NAV2: variants seen among roughly 807,000 people sequenced by gnomAD.
The protein encoded by NAV2 is helicase, APC down-regulated 1.
In NAV2, 54 loss-of-function variants were observed where a neutral mutation model predicts 223.2. That is an observed-to-expected ratio of 0.24 (90% CI 0.19 to 0.30). The LOEUF is 0.30. Among genes scored for constraint, NAV2 ranks in the 10% least tolerant of loss-of-function variants. The pLI, the probability that NAV2 is intolerant of heterozygous loss-of-function variation, is 1.00. For synonymous variants in NAV2, 1,279 were observed against 1,239.3 expected (o/e 1.03, Z -0.67); for missense variants, 2,806 against 3,147.5 (o/e 0.89, Z 2.60).
At chr11:19,846,693 G>A (rs1260472136) in intron 3 of NAV2, among the ~76,000 whole-genome samples, 3 of 152,176 alleles carry the variant, frequency 2.0e-5, no homozygotes, top group Non-Finnish European at 4.4e-5. Context: ...CACACCTTTT[G>A]GGTGAGAAAC....
At chr11:19,765,146 C>A (rs1296675802) in intron 1 of NAV2, among the ~76,000 whole-genome samples, 1 of 152,168 alleles carries the variant, frequency 6.6e-6, no homozygotes, top group Non-Finnish European at 1.5e-5. Context: ...TTGCTTAGGA[C>A]CCTCCAGTGA....
At chr11:19,480,065 G>A (rs973122963) in intron 1 of NAV2, among the ~76,000 whole-genome samples, 18 of 152,176 alleles carry the variant, frequency 1.2e-4, no homozygotes, top group African/African-American at 4.3e-4. Flanking sequence ...AGTTACAAGA[G>A]ACTGTGTAGC....
chr11:19,762,718 A>G (rs999637391), intron 1 of NAV2, among the ~76,000 whole-genome samples: 3 of 150,640 alleles, frequency 2.0e-5, no homozygotes, highest in African/African-American at 4.9e-5. Context: ...GGTTCAAGCA[A>G]TTCTCCTGCC....
In NAV2 at chr11:19,516,917, G is replaced by C. The variant is rs142542632; in HGVS notation, c.75+165890G>C. ...ATGAAGTTATTAACAGAATTAAAAAGATGAAATTTCACCTGGGCATGGTGG... is the reference window on the plus strand; with the variant it reads ...ATGAAGTTATTAACAGAATTAAAAACATGAAATTTCACCTGGGCATGGTGG... On this transcript the variant is annotated intron_variant, in intron 1 of 37. Coordinates refer to the NAV2 transcript ENST00000360655. 3.5e-3 allele frequency among the ~76,000 whole-genome samples: 537 copies of C among 152,170 alleles called. 3 individuals are homozygous for C. The highest frequency in any genetic ancestry group is 0.018 in the South Asian group (85 of 4,820).
chr11:19,626,268 C>T lies in NAV2; in HGVS notation c.76-206216C>T, dbSNP rs114690407. Among the ~76,000 whole-genome samples, 1,359 of 152,230 alleles carry T rather than the reference C, an allele frequency of 8.9e-3. 21 individuals carry two copies. Among genetic ancestry groups the T allele is most frequent in the African/African-American group, 0.03 (1,265 of 41,532 alleles). The stretch of plus-strand genomic sequence containing the variant: ...TTTACATATCCAGTTTTCCCAACAC[C>T]ATTTATTGAAGAGGGTGTCCTTTCC... On this transcript the variant is annotated intron_variant, in intron 1 of 37. Transcript: ENST00000360655.
At chr11:19,428,535 C>T (rs922249873) in intron 1 of NAV2, among the ~76,000 whole-genome samples, 1 of 152,212 alleles carries the variant, frequency 6.6e-6, no homozygotes, top group Non-Finnish European at 1.5e-5. Context: ...ATTTGGATTA[C>T]CCGAGTTAGG....
At chr11:19,378,620 G>T (rs1431478547) in intron 1 of NAV2, among the ~76,000 whole-genome samples, 1 of 151,314 alleles carries the variant, frequency 6.6e-6, no homozygotes, top group Non-Finnish European at 1.5e-5. Context: ...CTGGGTGGGG[G>T]TGGGGTAGGG....
Position 19,829,896 on chromosome 11 carries a change from T to G in NAV2, c.268-2588T>G, listed in dbSNP as rs192221580. Among the ~76,000 whole-genome samples the G allele has an allele frequency of 3.3e-5, 5 of 152,278 alleles. No homozygotes were observed. In the East Asian group the frequency reaches 9.6e-4, roughly 29 times the overall value. On this transcript the variant is annotated intron_variant, in intron 1 of 37. Transcript: ENST00000349880. ...AGTCACTTATCCAAAGGCATTCAGA[T>G]AGCAAGGGAAAGATCTAGGTTTGGG...
intron 1 of NAV2, among the ~76,000 whole-genome samples, chr11:19,487,156 C>T (rs1188566423): frequency 6.6e-6 from 1 of 152,150 alleles, no homozygotes; most frequent in Non-Finnish European, 1.5e-5. Flanking sequence ...GCTCTCTGAG[C>T]CTGGGTCTGA....
intron 1 of NAV2, among the ~76,000 whole-genome samples, chr11:19,632,193 C>T (rs1175805540): frequency 6.6e-6 from 1 of 152,194 alleles, no homozygotes; most frequent in African/African-American, 2.4e-5. Context: ...CCCCCATTAC[C>T]ATCTATTTAT....
chr11:19,879,812 C>T, intron 4 of NAV2, 57 bp from the exon 5 acceptor site: 1 of 1,604,874 alleles, frequency 6.2e-7, no homozygotes, highest in Non-Finnish European at 8.5e-7. Context: ...CTGAAACAGC[C>T]CATTGAACAG....
chr11:19,584,152 T>C (rs1221901367), intron 1 of NAV2, among the ~76,000 whole-genome samples: 1 of 152,248 alleles, frequency 6.6e-6, no homozygotes, highest in Non-Finnish European at 1.5e-5. Context: ...CCAGATTTTC[T>C]AGTTTATTTG....
chr11:19,401,713 A>G (rs1471802480), intron 1 of NAV2, among the ~76,000 whole-genome samples: 1 of 152,252 alleles, frequency 6.6e-6, no homozygotes, highest in African/African-American at 2.4e-5. Flanking sequence ...GAGCGTGAGC[A>G]TGTGGCATAT....
At position 19,859,137 on chromosome 11, in the gene NAV2, C is replaced by CTTTTTTTTTTTTTTTTTTTT. The variant is rs569446282; in HGVS notation, c.439-9785_439-9766dup. 2.1e-3 allele frequency among the ~76,000 whole-genome samples: 220 copies of CTTTTTTTTTTTTTTTTTTTT among 107,030 alleles called. 6 individuals carry two copies. Among genetic ancestry groups the CTTTTTTTTTTTTTTTTTTTT allele is most frequent in the South Asian group, 3.9e-3 (9 of 2,316 alleles). The allele number at this position is 107,030 out of a possible 152,430, so 70.2% of individuals were successfully genotyped here. A position where few individuals can be genotyped will look rare whatever the true frequency, so the allele number is the denominator to read the frequency against. Reference sequence around the variant, plus strand: ...ATGGAGGAGTCCAAAATCATATTCTCTTTTTTTTTTTTTTTTTTTTTTATT... The same window carrying CTTTTTTTTTTTTTTTTTTTT: ...ATGGAGGAGTCCAAAATCATATTCTCTTTTTTTTTTTTTTTTTTTTTTTTTTTTTTTTTTTTTTTTTTATT... On this transcript the variant is annotated intron_variant, in intron 3 of 37. Coordinates refer to ENST00000349880, the MANE Select transcript of NAV2 (RefSeq NM_145117.5).
intron 1 of NAV2, among the ~76,000 whole-genome samples, chr11:19,767,839 A>G (rs2055352838): frequency 6.6e-6 from 1 of 152,242 alleles, no homozygotes; most frequent in Non-Finnish European, 1.5e-5. Flanking sequence ...CCTGCAGTGC[A>G]GATCTCCAGG....
chr11:19,612,756 C>T lies in NAV2; in HGVS notation c.76-219728C>T, dbSNP rs964243352. 5.9e-5 allele frequency among the ~76,000 whole-genome samples: 9 copies of T among 152,310 alleles called. No individual in the cohort carries two copies. In the Middle Eastern group the frequency reaches 0.014, roughly 230 times the overall value. On this transcript the variant is annotated intron_variant, in intron 1 of 37. Transcript: ENST00000360655. The stretch of plus-strand genomic sequence containing the variant: ...CAAGTCTCTAGAAGGTTCCAAACTT[C>T]CCCACATTTTCCTGTCTTCTGAGAC...
intron 11 of NAV2, among the ~76,000 whole-genome samples, chr11:20,012,624 G>T (rs901998550): frequency 6.7e-6 from 1 of 149,294 alleles, no homozygotes; most frequent in Non-Finnish European, 1.5e-5. Context: ...GCAGTGAGCC[G>T]AGATTGTGCC....
At chr11:19,656,550 C>T (rs2048131205) in intron 1 of NAV2, among the ~76,000 whole-genome samples, 1 of 152,218 alleles carries the variant, frequency 6.6e-6, no homozygotes, top group South Asian at 2.1e-4. Context: ...TTGGATTTCA[C>T]TCCATGTTTG....
chr11:19,970,993 A>C (rs1240848823), intron 10 of NAV2, among the ~76,000 whole-genome samples: 1 of 152,158 alleles, frequency 6.6e-6, no homozygotes, highest in African/African-American at 2.4e-5. Flanking sequence ...GGTGTCCTCA[A>C]GTGGGAGGTG....
Sources: allele counts gnomAD v4.1 joint callset (sites outside exome capture counted in the v4.1 genomes callset), GRCh38; gene constraint gnomAD v4.1.1; transcripts MANE v1.5; gene names NCBI Gene and HGNC (gene_info 2026-07-23, HGNC 2026-07-21).